The following ZBTB25 variants were observed in gnomAD, a reference collection of about 807,000 sequenced individuals.
ZBTB25 encodes the protein zinc finger and BTB domain containing 25, also known as zinc finger and BTB domain-containing protein 25.
ZBTB25 carries 20 observed loss-of-function variants against 34.2 expected under a neutral mutation model. The ratio of observed to expected loss-of-function variants is 0.58; its 90% confidence interval spans 0.41 to 0.85. The LOEUF (loss-of-function observed/expected upper bound fraction) is 0.85. Ranked by LOEUF, ZBTB25 falls within the 40% of genes least tolerant of loss-of-function variation. The probability of loss-of-function intolerance (pLI) is 0.00; values close to 1 mark genes in which losing one functional copy is unlikely to be tolerated. For synonymous variants in ZBTB25, 175 were observed against 186.4 expected (o/e 0.94, Z 0.50); for missense variants, 437 against 521.8 (o/e 0.84, Z 1.58).
intron 1 of ZBTB25, among the ~76,000 whole-genome samples, chr14:64,500,843 G>C (rs568992253): frequency 6.6e-6 from 1 of 152,196 alleles, no homozygotes; most frequent in South Asian, 2.1e-4. Flanking sequence ...TTGAGGTCAG[G>C]AGTTCAAGAC....
intron 1 of ZBTB25, among the ~76,000 whole-genome samples, chr14:64,497,133 C>T (rs541728165): frequency 2.1e-4 from 32 of 151,728 alleles, no homozygotes; most frequent in Non-Finnish European, 3.7e-4. Flanking sequence ...GTAAACTTTT[C>T]AAGTGTATAA....
chr14:64,470,207 A>G (rs1042544825), intron 2 of ZBTB25: 1 of 167,224 alleles, frequency 6.0e-6, no homozygotes, highest in Admixed American at 6.5e-5. Context: ...CTCAAAAAAT[A>G]CATTGCATTT....
intron 2 of ZBTB25, chr14:64,465,416 G>GA (rs2078600901): frequency 6.6e-6 from 1 of 151,722 alleles, no homozygotes; most frequent in Non-Finnish European, 1.5e-5. Flanking sequence ...GCCCCTGCCC[G>GA]CCCGCTCCGC....
At chr14:64,491,872 G>A (rs1278359770) in intron 1 of ZBTB25, among the ~76,000 whole-genome samples, 7 of 152,160 alleles carry the variant, frequency 4.6e-5, no homozygotes, top group African/African-American at 1.2e-4. Context: ...AGGGTTAGCC[G>A]TCTAAAGATT....
Position 64,485,835 on chromosome 14 carries a change from T to A in ZBTB25, c.*1088A>T, listed in dbSNP as rs1053349331. 15 of 985,308 alleles carry A rather than the reference T, an allele frequency of 1.5e-5. No individual in the cohort carries two copies. The highest frequency in any genetic ancestry group is 1.8e-5 in the Non-Finnish European group (15 of 829,930). 61.0% of individuals were successfully genotyped at this position (985,308 alleles called of 1,614,324 possible). On this transcript the variant is annotated 3_prime_UTR_variant, in exon 3 of 3. Coordinates refer to ENST00000608382, the MANE Select transcript of ZBTB25 (RefSeq NM_006977.5). Reference sequence around the variant, plus strand: ...AACCTCTGGTCATAAAATCTCAAATTACTTTTTAAGGTGTCTAAGAAAACA... The same window carrying A: ...AACCTCTGGTCATAAAATCTCAAATAACTTTTTAAGGTGTCTAAGAAAACA...
At chr14:64,466,903 A>G (rs961120425) in intron 2 of ZBTB25, among the ~76,000 whole-genome samples, 7 of 152,186 alleles carry the variant, frequency 4.6e-5, no homozygotes, top group African/African-American at 1.7e-4. Flanking sequence ...TAAATTTTCA[A>G]TACACCTTTA....
Position 64,490,369 on chromosome 14 carries a change from G to T in ZBTB25, c.165C>A (p.His55Gln). The change falls in exon 2 of 3, where the codon CAC (histidine) becomes CAA (glutamine). Residue 55 changes from histidine to glutamine, a missense_variant. Transcript: ENST00000608382. ...CAAAAACACATCCTTACCTTGTTTG[G>T]TGAATAAATATCATCTTGAAATAGT... Reference protein sequence around the residue: ...FSNYFKMIFIHQTSECIKIQP... With the variant: ...FSNYFKMIFIQQTSECIKIQP... 1 of 1,586,828 alleles carries T rather than the reference G, an allele frequency of 6.3e-7. No homozygotes were observed. The highest frequency in any genetic ancestry group is 8.6e-7 in the Non-Finnish European group (1 of 1,163,554).
exon 3 of ZBTB25, chr14:64,449,375 T>C: frequency 6.4e-7 from 1 of 1,563,712 alleles, no homozygotes; most frequent in Non-Finnish European, 8.8e-7. Context: ...TGAGGTTTAA[T>C]GGCAAAAAGA....
At chr14:64,452,223 A>G (rs2140985798) in intron 2 of ZBTB25, among the ~76,000 whole-genome samples, 1 of 152,338 alleles carries the variant, frequency 6.6e-6, no homozygotes, top group Non-Finnish European at 1.5e-5. Context: ...TGAACCCGGG[A>G]GGCGGAGGTT....
At chr14:64,476,907 T>C (rs1339991046), downstream of ZBTB25, among the ~76,000 whole-genome samples, 1 of 152,236 alleles carries the variant, frequency 6.6e-6, no homozygotes, top group Admixed American at 6.5e-5. Flanking sequence ...TGATAATCAC[T>C]AGGGTTCATC....
Position 64,485,008 on chromosome 14 carries a change from C to G in ZBTB25, c.*1915G>C. 1.0e-6 allele frequency: 1 copy of G among 985,110 alleles called. No individual in the cohort carries two copies. The highest frequency in any genetic ancestry group is 1.2e-6 in the Non-Finnish European group (1 of 829,644). 61.0% of individuals were successfully genotyped at this position (985,110 alleles called of 1,614,324 possible). On this transcript the variant is annotated 3_prime_UTR_variant, in exon 3 of 3. Transcript: ENST00000608382. ...AATTGATCTTATCAAGTTAGATGTG[C>G]TCTCAACACACATCAGTCTTAACCA...
intron 1 of ZBTB25, among the ~76,000 whole-genome samples, chr14:64,500,932 T>C (rs1482226650): frequency 6.6e-6 from 1 of 152,188 alleles, no homozygotes; most frequent in East Asian, 1.9e-4. Context: ...GCGCCTGTAA[T>C]CCCAGCTACT....
At chr14:64,466,566 A>G (rs949484537) in intron 2 of ZBTB25, among the ~76,000 whole-genome samples, 6 of 152,250 alleles carry the variant, frequency 3.9e-5, no homozygotes, top group Non-Finnish European at 2.9e-5. Context: ...TTGTGAGGAG[A>G]AACACTGTCA....
rs2079120145 is a variant in ZBTB25 at position 64,492,551 on chromosome 14, A to T, written c.-7-2011T>A. The stretch of plus-strand genomic sequence containing the variant: ...CATGTGAAAAACGTGTCTTAGAATC[A>T]ATGAAATGGTTCATATTGAAGCATC... On this transcript the variant is annotated intron_variant, in intron 1 of 2. Coordinates refer to ENST00000608382, the MANE Select transcript of ZBTB25 (RefSeq NM_006977.5). Among the ~76,000 whole-genome samples, 3 of 152,080 alleles carry T rather than the reference A, an allele frequency of 2.0e-5. No homozygotes were observed. In the South Asian group the frequency reaches 6.2e-4, roughly 32 times the overall value.
upstream of ZBTB25, chr14:64,505,031 G>C (rs9323451): frequency 7.9e-6 from 3 of 381,250 alleles, no homozygotes; most frequent in African/African-American, 6.3e-5. Context: ...CGGAGTGCGG[G>C]GCCGGAGGGG....
At chr14:64,469,772 T>TAAATC in intron 2 of ZBTB25, 2 of 909,732 alleles carry the variant, frequency 2.2e-6, no homozygotes, top group Admixed American at 2.9e-5. Flanking sequence ...AATGAGAGAT[T>TAAATC]TATCATCTCT....
rs2078642520 is a variant in ZBTB25, at chr14:64,469,242, G to A, written c.174-19604C>T. 4 of 1,613,876 alleles carry A rather than the reference G, an allele frequency of 2.5e-6. No individual in the cohort carries two copies. Among genetic ancestry groups the A allele is most frequent in the African/African-American group, 1.3e-5 (1 of 75,012 alleles). On this transcript the variant is annotated intron_variant, in intron 2 of 2. Coordinates refer to the ZBTB25 transcript ENST00000555220. Reference sequence around the variant, plus strand: ...CAAATTGTGGAAGAAGCCAGTAACAGTACCCTAGAAAGTGCACCAAATGGA... The same window carrying A: ...CAAATTGTGGAAGAAGCCAGTAACAATACCCTAGAAAGTGCACCAAATGGA...
chr14:64,505,046 G>C (rs1201408785), upstream of ZBTB25: 1 of 376,700 alleles, frequency 2.7e-6, no homozygotes, highest in Non-Finnish European at 4.7e-6. Flanking sequence ...GAGGGGCGCC[G>C]ATCCGTGCGG....
intron 2 of ZBTB25, chr14:64,462,644 T>C (rs1393131811): frequency 6.6e-6 from 1 of 152,230 alleles, no homozygotes; most frequent in African/African-American, 2.4e-5. Context: ...AGAGGCTGTT[T>C]CTGTGCACTG....
Sources: gnomAD v4.1 joint callset for allele counts (sites outside exome capture counted in the v4.1 genomes callset) on GRCh38, gnomAD v4.1.1 for gene constraint, MANE v1.5 for transcripts, NCBI Gene and HGNC (gene_info 2026-07-23, HGNC 2026-07-21) for gene names.